The following PRRC2B variants were observed in gnomAD, a reference collection of about 807,000 sequenced individuals.
PRRC2B encodes the protein protein PRRC2B.
PRRC2B carries 68 observed loss-of-function variants against 242.3 expected under a neutral mutation model. The ratio of observed to expected loss-of-function variants is 0.28; its 90% CI spans 0.23 to 0.34. The LOEUF (loss-of-function observed/expected upper bound fraction) is 0.34, where lower values mean the gene tolerates loss of function less well. Among genes scored for constraint, PRRC2B ranks in the 10% least tolerant of loss-of-function variants. The pLI, the probability that PRRC2B is intolerant of heterozygous loss-of-function variation, is 1.00. For synonymous variants in PRRC2B, 1,228 were observed against 1,173.6 expected (o/e 1.05, Z -0.95); for missense variants, 2,835 against 2,954.8 (o/e 0.96, Z 0.94).
rs1303584045 is a variant in PRRC2B, at chr9:131,486,150, C to CA, written c.5827dup (p.Thr1943AsnfsTer200). On this transcript the variant is annotated frameshift_variant, in exon 26 of 32. Coordinates refer to ENST00000683519, the MANE Select transcript of PRRC2B (RefSeq NM_013318.4). LOFTEE classifies it high-confidence loss of function. ...TGCAAGTCAGCCCCGGCTGGTTCCT[C>CA]AAACGATACCTCAGCAGCAGAGTTA... 1 of 1,612,450 alleles carries CA rather than the reference C, an allele frequency of 6.2e-7. No individual in the cohort carries two copies. The highest frequency in any genetic ancestry group is 1.1e-5 in the South Asian group (1 of 90,722).
In PRRC2B at chr9:131,387,014, C is replaced by CT. The variant is rs1042720965; in HGVS notation, c.-56+13289dup. 2.7e-5 allele frequency among the ~76,000 whole-genome samples: 4 copies of CT among 147,878 alleles called. 1 individual carries two copies. Among genetic ancestry groups the CT allele is most frequent in the Non-Finnish European group, 4.5e-5 (3 of 66,920 alleles). On this transcript the variant is annotated intron_variant, in intron 1 of 1. Coordinates refer to the PRRC2B transcript ENST00000682525. Reference sequence around the variant, plus strand: ...TGTCTCTTTCTTTCTTTCTTTCTTTCTTTTTTGAGACAGTCTCGCTCTTGT... The same window carrying CT: ...TGTCTCTTTCTTTCTTTCTTTCTTTCTTTTTTTGAGACAGTCTCGCTCTTGT...
In PRRC2B at chr9:131,409,085, C is replaced by T. The variant is rs577168177; in HGVS notation, c.-52+14822C>T. Among the ~76,000 whole-genome samples the T allele has an allele frequency of 6.7e-5, 10 of 149,724 alleles. No homozygotes were observed. The South Asian group carries it at 1.3e-3, about 19-fold the overall frequency. The stretch of plus-strand genomic sequence containing the variant: ...TCGCCCAGGCTGGAGTGCAATGGCG[C>T]GATCTTGTCTCACTGCAACCTCCAC... On this transcript the variant is annotated intron_variant, in intron 1 of 31. Coordinates refer to ENST00000683519, the MANE Select transcript of PRRC2B (RefSeq NM_013318.4).
chr9:131,388,552 T>C (rs1836856233), intron 1 of PRRC2B, among the ~76,000 whole-genome samples: 1 of 149,366 alleles, frequency 6.7e-6, no homozygotes, highest in Non-Finnish European at 1.5e-5. Flanking sequence ...TTTTTTCTTT[T>C]CTTTTCTTTT....
At chr9:131,419,332 G>T (rs1348001519) in intron 1 of PRRC2B, among the ~76,000 whole-genome samples, 3 of 152,164 alleles carry the variant, frequency 2.0e-5, no homozygotes, top group Non-Finnish European at 4.4e-5. Context: ...TGTCCTCATG[G>T]TGTTTGAAGG....
At chr9:131,451,786 T>C (rs1458834206) in intron 9 of PRRC2B, among the ~76,000 whole-genome samples, 1 of 152,204 alleles carries the variant, frequency 6.6e-6, no homozygotes, top group Non-Finnish European at 1.5e-5. Flanking sequence ...TTGTAAATTA[T>C]GGGTATTGCA....
chr9:131,444,781 G>C (rs1838733721), intron 6 of PRRC2B, among the ~76,000 whole-genome samples: 1 of 152,128 alleles, frequency 6.6e-6, no homozygotes, highest in Admixed American at 6.5e-5. Context: ...ATTCCTCTGG[G>C]GATTGTTACA....
At chr9:131,461,818 C>T (rs1410341227) in intron 11 of PRRC2B, among the ~76,000 whole-genome samples, 3 of 152,198 alleles carry the variant, frequency 2.0e-5, no homozygotes, top group South Asian at 2.1e-4. Flanking sequence ...TGAGCCACTG[C>T]GCCCGGCCTG....
At position 131,485,868 on chromosome 9, in the gene PRRC2B, G is replaced by C. The variant is rs1037638096; in HGVS notation, c.5759-217G>C. 1.1e-5 allele frequency: 8 copies of C among 727,870 alleles called. No individual in the cohort carries two copies. In the Admixed American group the frequency reaches 1.3e-4, roughly 11 times the overall value. The allele number at this position is 727,870 out of a possible 1,614,324, so 45.1% of individuals were successfully genotyped here. A position where few individuals can be genotyped will look rare whatever the true frequency, so the allele number is the denominator to read the frequency against. ...CCTCCTCCCTCCTCCTAGGTCTGAC[G>C]CTGCACCCTCCCTACGTTCCCTGAG... On this transcript the variant is annotated intron_variant, in intron 25 of 31. Coordinates refer to ENST00000683519, the MANE Select transcript of PRRC2B (RefSeq NM_013318.4).
chr9:131,454,465 T>C (rs968594450), intron 9 of PRRC2B, among the ~76,000 whole-genome samples: 12 of 152,208 alleles, frequency 7.9e-5, no homozygotes, highest in Admixed American at 7.9e-4. Flanking sequence ...AATTGTTACC[T>C]GTGGGAGGGT....
chr9:131,470,468 C>T (rs1943511027), intron 13 of PRRC2B, among the ~76,000 whole-genome samples: 2 of 152,172 alleles, frequency 1.3e-5, no homozygotes, highest in African/African-American at 4.8e-5. Flanking sequence ...TCCAGACATT[C>T]TGTGGGAGGC....
In PRRC2B at chr9:131,474,596, C is replaced by T; in HGVS notation, c.2467C>T (p.Gln823Ter). ...AGACTTTGACAGCTGTATCTCTTCT[C>T]AAAGAATAGGCCAGGAGCTTTTGTT... The part of the protein sequence containing the change: ...QADFDSCISS[Q>*]RIGQELLFPP... The change falls in exon 16 of 32, where the codon CAA (glutamine) becomes TAA (stop). Residue 823 changes from glutamine (Q) to a stop codon, truncating the protein, a stop_gained. Coordinates refer to ENST00000683519, the MANE Select transcript of PRRC2B (RefSeq NM_013318.4). LOFTEE classifies it high-confidence loss of function. The T allele has an allele frequency of 6.2e-7, 1 of 1,613,994 alleles. No homozygotes were observed. The highest frequency in any genetic ancestry group is 8.5e-7 in the Non-Finnish European group (1 of 1,179,894).
At chr9:131,389,915 G>GTTGTTTTTT (rs1564271137), upstream of PRRC2B, among the ~76,000 whole-genome samples, 1 of 93,446 alleles carries the variant, frequency 1.1e-5, no homozygotes. Flanking sequence ...GAACATGGTT[G>GTTGTTTTTT]TTTTTTTTTT....
intron 1 of PRRC2B, among the ~76,000 whole-genome samples, chr9:131,420,370 C>T (rs1369134963): frequency 6.6e-6 from 1 of 151,874 alleles, no homozygotes; most frequent in Non-Finnish European, 1.5e-5. Context: ...GAGCCAGTGC[C>T]TCGCTCTTAG....
rs1943890859 is a variant in PRRC2B, at chr9:131,482,252, C to T, written c.4984-119C>T. The T allele has an allele frequency of 3.5e-6, 4 of 1,149,460 alleles. No individual in the cohort carries two copies. The highest frequency in any genetic ancestry group is 3.1e-5 in the South Asian group (2 of 65,318). 71.2% of individuals were successfully genotyped at this position (1,149,460 alleles called of 1,614,324 possible). On this transcript the variant is annotated intron_variant, in intron 20 of 31. Coordinates refer to ENST00000683519, the MANE Select transcript of PRRC2B (RefSeq NM_013318.4). The surrounding 1 kb of genome is among the most constrained non-coding windows in gnomAD (Gnocchi z 5.2). Reference sequence around the variant, plus strand: ...CAGCAGGGCAGGATCAAGATCAGGACCAGACTTGGCAAGGGACAGGCAGCT... The same window carrying T: ...CAGCAGGGCAGGATCAAGATCAGGATCAGACTTGGCAAGGGACAGGCAGCT...
At chr9:131,471,667 G>A (rs923179127) in intron 14 of PRRC2B, among the ~76,000 whole-genome samples, 2 of 152,188 alleles carry the variant, frequency 1.3e-5, no homozygotes, top group Admixed American at 1.3e-4. Context: ...TCCATAAAAC[G>A]TTACTTGTAA....
In PRRC2B at chr9:131,475,353, C is replaced by T. The variant is rs578113444; in HGVS notation, c.3224C>T (p.Thr1075Ile). 67 of 1,587,138 alleles carry T rather than the reference C, an allele frequency of 4.2e-5. No individual in the cohort carries two copies. Among genetic ancestry groups the T allele is most frequent in the South Asian group, 3.8e-4 (33 of 87,702 alleles). The change falls in exon 16 of 32, where the codon ACT becomes ATT. Residue 1075 changes from threonine (T) to isoleucine (I), a missense_variant. Around this residue, in one of 7 missense-constraint regions of PRRC2B, gnomAD observed 1,536 missense variants for 1,483.1 expected, o/e 1.04. Transcript: ENST00000683519. Reference sequence around the variant, plus strand: ...CGGGGCCGTGGTTTCAGAGAGTTCACTTTTCGTGGTCGGCCTGCTGGCGGA... The same window carrying T: ...CGGGGCCGTGGTTTCAGAGAGTTCATTTTTCGTGGTCGGCCTGCTGGCGGA... ...RGRGRGFREF[T>I]FRGRPAGGNG...
intron 1 of PRRC2B, among the ~76,000 whole-genome samples, chr9:131,394,659 T>C (rs2991191): frequency 0.98 from 147,588 of 151,348 alleles, 72,075 homozygotes; most frequent in East Asian, 1. Context: ...CTCGGGGTTC[T>C]GGGGCCGGCG....
At chr9:131,465,747 T>G (rs78713918) in intron 12 of PRRC2B, among the ~76,000 whole-genome samples, 6 of 152,196 alleles carry the variant, frequency 3.9e-5, no homozygotes, top group Non-Finnish European at 7.4e-5. Context: ...ATTTTTTTTT[T>G]GAAATGGAGT....
At chr9:131,483,874 C>G (rs1018793725) in intron 23 of PRRC2B, among the ~76,000 whole-genome samples, 1 of 152,206 alleles carries the variant, frequency 6.6e-6, no homozygotes, top group Admixed American at 6.5e-5. Flanking sequence ...CTGGCAGTTG[C>G]ATCTGTTGTG....
Sources: allele counts gnomAD v4.1 joint callset (sites outside exome capture counted in the v4.1 genomes callset), GRCh38; gene constraint gnomAD v4.1.1; regional missense constraint gnomAD v4.1.1; non-coding constraint Gnocchi (gnomAD v3.1); transcripts MANE v1.5; gene names NCBI Gene and HGNC (gene_info 2026-07-23, HGNC 2026-07-21).